Variants in TNFRSF10C observed in about 807,000 individuals in gnomAD.
The protein encoded by TNFRSF10C is tumor necrosis factor receptor superfamily member 10C.
In TNFRSF10C, 17 loss-of-function variants were observed where a neutral mutation model predicts 16.7. The ratio of observed to expected loss-of-function variants is 1.02; its 90% CI spans 0.70 to 1.53. TNFRSF10C has a LOEUF of 1.53. Among genes scored for constraint, TNFRSF10C ranks in the 40% most tolerant of loss-of-function variants. The pLI, the probability that TNFRSF10C is intolerant of heterozygous loss-of-function variation, is 0.00. For synonymous variants in TNFRSF10C, 73 were observed against 119.7 expected (o/e 0.61, Z 2.55); for missense variants, 237 against 329.7 (o/e 0.72, Z 2.18).
rs1477873028 is a variant in TNFRSF10C, at chr8:23,115,532, C to A, written c.305C>A (p.Thr102Asn). 4 of 1,613,156 alleles carry A rather than the reference C, an allele frequency of 2.5e-6. No homozygotes were observed. The highest frequency in any genetic ancestry group is 2.5e-6 in the Non-Finnish European group (3 of 1,179,534). The stretch of plus-strand genomic sequence containing the variant: ...GATCAAAAACATAAAAGTTCCTGCA[C>A]CATGACCAGAGACACAGTGTGTCAG... ...KSDQKHKSSC[T>N]MTRDTVCQCK... Residue 102 changes from threonine to asparagine, a missense_variant, in exon 4 of 5, where the codon ACC becomes AAC. By Grantham distance (65) the Thr-to-Asn change is moderately conservative. Around this residue, in one of 2 missense-constraint regions of TNFRSF10C, gnomAD observed 212 missense variants for 196.8 expected, o/e 1.08. Transcript: ENST00000356864.
rs561532456 is a variant in TNFRSF10C, at chr8:23,103,494, C to A, written c.60+313C>A. The A allele has an allele frequency of 2.6e-5, 13 of 508,362 alleles. No homozygotes were observed. The East Asian group carries it at 4.5e-4, about 18-fold the overall frequency. The allele number at this position is 508,362 out of a possible 1,614,324, so 31.5% of individuals were successfully genotyped here. On this transcript the variant is annotated intron_variant, in intron 1 of 4. Transcript: ENST00000356864. ...GAGTGAGCCTCCTGAAGACACAGAG[C>A]GGTTGCCTCTCTCATTAATTAATTA...
chr8:23,107,492 G>A (rs1813801391), intron 1 of TNFRSF10C, among the ~76,000 whole-genome samples: 1 of 152,144 alleles, frequency 6.6e-6, no homozygotes, highest in Non-Finnish European at 1.5e-5. Context: ...TTTGTTTCAT[G>A]CCCATTATAC....
intron 1 of TNFRSF10C, among the ~76,000 whole-genome samples, chr8:23,111,219 C>CT (rs56964129): frequency 0.18 from 25,723 of 146,484 alleles, 2,448 homozygotes; most frequent in East Asian, 0.3. Context: ...TTCATTTTTT[C>CT]TTTTTTTTTT....
At chr8:23,111,856 T>G (rs376981315) in intron 2 of TNFRSF10C, 31 bp downstream of exon 2, 70 of 1,580,976 alleles carry the variant, frequency 4.4e-5, no homozygotes, top group Non-Finnish European at 3.0e-5. Flanking sequence ...ATCAGTTTAT[T>G]TTTAATTGAC....
rs188359528 is a variant in TNFRSF10C, at chr8:23,111,924, T to C, written c.166+99T>C. 2.2e-5 allele frequency: 27 copies of C among 1,213,816 alleles called. No individual in the cohort carries two copies. The African/African-American group carries it at 2.9e-4, about 13-fold the overall frequency. 75.2% of individuals were successfully genotyped at this position (1,213,816 alleles called of 1,614,324 possible). ...CATGATGTTTTGAAATATGTACGCA[T>C]TGTGGAATGGCTAAATCAAGCTAAT... is the stretch of plus-strand genomic sequence containing the variant. On this transcript the variant is annotated intron_variant, in intron 2 of 4. Transcript: ENST00000356864.
chr8:23,102,953 A>C lies in TNFRSF10C; in HGVS notation c.-169A>C. On this transcript the variant is annotated 5_prime_UTR_variant, in exon 1 of 5. Transcript: ENST00000356864. ...CAGCTGTGGGAACCTCTCCACGCGC[A>C]CGAACTCAGCCAACGATTTCTGATA... is the stretch of plus-strand genomic sequence containing the variant. The C allele has an allele frequency of 6.6e-7, 1 of 1,504,868 alleles. No homozygotes were observed. Among genetic ancestry groups the C allele is most frequent in the Non-Finnish European group, 8.9e-7 (1 of 1,119,902 alleles). 93.2% of individuals were successfully genotyped at this position (1,504,868 alleles called of 1,614,324 possible).
chr8:23,103,233 AG>A, intron 1 of TNFRSF10C, 52 bp downstream of exon 1: 2 of 1,586,114 alleles, frequency 1.3e-6, no homozygotes, highest in Non-Finnish European at 1.7e-6. Flanking sequence ...TGGCGCCGGG[AG>A]GGGGCAGGGA....
intron 1 of TNFRSF10C, among the ~76,000 whole-genome samples, chr8:23,107,666 G>A (rs1813803007): frequency 6.6e-6 from 1 of 152,214 alleles, no homozygotes; most frequent in African/African-American, 2.4e-5. Context: ...ATTAAAATGT[G>A]CAGGGGGAAA....
chr8:23,107,440 C>T (rs557780053), intron 1 of TNFRSF10C, among the ~76,000 whole-genome samples: 8 of 152,296 alleles, frequency 5.3e-5, no homozygotes, highest in African/African-American at 1.9e-4. Context: ...AATGTATACA[C>T]ACGTCTCAAT....
At chr8:23,110,222 A>C (rs1469792741) in intron 1 of TNFRSF10C, among the ~76,000 whole-genome samples, 1 of 152,034 alleles carries the variant, frequency 6.6e-6, no homozygotes, top group African/African-American at 2.4e-5. Context: ...ACCTAGAGGG[A>C]CTCCAACCCG....
In TNFRSF10C at chr8:23,110,069, C is replaced by CAAAAAAAAAAAAAAAAA. The variant is rs56263402; in HGVS notation, c.61-1641_61-1625dup. 7.1e-4 allele frequency among the ~76,000 whole-genome samples: 28 copies of CAAAAAAAAAAAAAAAAA among 39,636 alleles called. 2 individuals carry two copies. The highest frequency in any genetic ancestry group is 1.9e-3 in the South Asian group (1 of 514). 26.0% of individuals were successfully genotyped at this position (39,636 alleles called of 152,430 possible). A position where few individuals can be genotyped will look rare whatever the true frequency, so the allele number is the denominator to read the frequency against. On this transcript the variant is annotated intron_variant, in intron 1 of 4. Transcript: ENST00000356864. Reference sequence around the variant, plus strand: ...GGAGGACAGAGGGAGACCCTGTCTCCAAAAAAAAAAAAAAAAAAAAAAAAA... The same window carrying CAAAAAAAAAAAAAAAAA: ...GGAGGACAGAGGGAGACCCTGTCTCCAAAAAAAAAAAAAAAAAAAAAAAAAAAAAAAAAAAAAAAAAA...
chr8:23,116,555 A>G, intron 4 of TNFRSF10C, 86 bp from the exon 5 acceptor site: 10 of 1,520,562 alleles, frequency 6.6e-6, no homozygotes, highest in African/African-American at 1.4e-5. Flanking sequence ...TCTCAGGGAC[A>G]TTGGAGAGGG....
Position 23,115,533 on chromosome 8 carries a change from C to T in TNFRSF10C, c.306C>T (p.Thr102=), listed in dbSNP as rs1025996270. The change falls in exon 4 of 5, where the codon ACC becomes ACT. Residue 102 remains threonine, a synonymous_variant. Transcript: ENST00000356864. The stretch of plus-strand genomic sequence containing the variant: ...ATCAAAAACATAAAAGTTCCTGCAC[C>T]ATGACCAGAGACACAGTGTGTCAGT... ...KSDQKHKSSC[T]MTRDTVCQCK... 1.2e-6 allele frequency: 2 copies of T among 1,613,136 alleles called. No homozygotes were observed. The highest frequency in any genetic ancestry group is 1.7e-4 in the Middle Eastern group (1 of 6,060).
intron 4 of TNFRSF10C, among the ~76,000 whole-genome samples, chr8:23,116,332 C>T (rs1368158865): frequency 6.6e-6 from 1 of 152,208 alleles, no homozygotes; most frequent in African/African-American, 2.4e-5. Flanking sequence ...GCCACAAGGG[C>T]TCGTGACCTT....
Position 23,117,224 on chromosome 8 carries a change from C to A in TNFRSF10C, c.*193C>A. 1 of 855,156 alleles carries A rather than the reference C, an allele frequency of 1.2e-6. No homozygotes were observed. Among genetic ancestry groups the A allele is most frequent in the Non-Finnish European group, 1.8e-6 (1 of 566,766 alleles). 53.0% of individuals were successfully genotyped at this position (855,156 alleles called of 1,614,324 possible). On this transcript the variant is annotated 3_prime_UTR_variant, in exon 5 of 5. Coordinates refer to ENST00000356864, the MANE Select transcript of TNFRSF10C (RefSeq NM_003841.5). Reference sequence around the variant, plus strand: ...TCTTCCTCCTTGTGATCGTCCCATCCCCACATCCCGTGCACCCCCCAGGAC... The same window carrying A: ...TCTTCCTCCTTGTGATCGTCCCATCACCACATCCCGTGCACCCCCCAGGAC...
chr8:23,115,671 G>A (rs1813967664), intron 4 of TNFRSF10C, 55 bp downstream of exon 4: 2 of 1,428,212 alleles, frequency 1.4e-6, no homozygotes, highest in South Asian at 2.3e-5. Flanking sequence ...GAAGACCTGA[G>A]TCACCTGGTA....
In TNFRSF10C at chr8:23,117,025, T is replaced by G; in HGVS notation, c.774T>G (p.Phe258Leu). 1 of 1,613,342 alleles carries G rather than the reference T, an allele frequency of 6.2e-7. No homozygotes were observed. The change falls in exon 5 of 5, where the codon TTT becomes TTG. Residue 258 changes from phenylalanine (F) to leucine (L), a missense_variant. This residue lies in a region of TNFRSF10C where 25 missense variants were observed against 133.0 expected (regional missense o/e 0.19). Transcript: ENST00000356864. Reference sequence around the variant, plus strand: ...TTCTAATTGTGCTTCTGATTGTGTTTGTTTGAAAGACTTCACTGTGGAAGA... The same window carrying G: ...TTCTAATTGTGCTTCTGATTGTGTTGGTTTGAAAGACTTCACTGTGGAAGA... ...IIVLIVLLIVFV is the reference protein window; with the variant it reads ...IIVLIVLLIVLV
At chr8:23,111,576 T>C (rs937917915) in intron 1 of TNFRSF10C, 144 bp from the exon 2 acceptor site, 12 of 675,600 alleles carry the variant, frequency 1.8e-5, no homozygotes, top group Non-Finnish European at 2.7e-5. Flanking sequence ...CAAACACAGG[T>C]ATGAAAGAAT....
At chr8:23,106,263 T>C (rs1316624288) in intron 1 of TNFRSF10C, among the ~76,000 whole-genome samples, 1 of 152,118 alleles carries the variant, frequency 6.6e-6, no homozygotes, top group Non-Finnish European at 1.5e-5. Context: ...GAGATCTCAC[T>C]ACCCTTGCCT....
Sources: allele counts gnomAD v4.1 joint callset (sites outside exome capture counted in the v4.1 genomes callset), GRCh38; gene constraint gnomAD v4.1.1; regional missense constraint gnomAD v4.1.1; transcripts MANE v1.5; gene names NCBI Gene and HGNC (gene_info 2026-07-23, HGNC 2026-07-21).